SON: variants seen among roughly 807,000 people sequenced by gnomAD.
SON encodes the protein protein SON.
Under a neutral mutation model 173.3 loss-of-function variants are expected in SON, and 4 were observed. The observed-to-expected ratio is 0.02, with a 90% CI of 0.01 to 0.05. The LOEUF (loss-of-function observed/expected upper bound fraction) is 0.05. Ranked by LOEUF, SON falls within the 10% of genes least tolerant of loss-of-function variation. SON has a pLI of 1.00. For missense variants in SON, 2,626 were observed against 3,055.3 expected (o/e 0.86, Z 3.31); for synonymous variants, 1,190 against 1,105.9 (o/e 1.08, Z -1.51).
Position 33,552,861 on chromosome 21 carries a change from G to A in SON, c.3630G>A (p.Gln1210=). 1 of 1,613,884 alleles carries A rather than the reference G, an allele frequency of 6.2e-7. No individual in the cohort carries two copies. The highest frequency in any genetic ancestry group is 1.1e-5 in the South Asian group (1 of 91,084). The change falls in exon 3 of 12, where the codon CAG becomes CAA. Residue 1210 remains glutamine (Q), a synonymous_variant. Transcript: ENST00000356577. This position sits in a 1 kb window ranked among gnomAD's most constrained non-coding sequence, Gnocchi z 5.6. ...PSSPSEESVS[Q]PEPPVSQSEI... Reference sequence around the variant, plus strand: ...CACCATCTGAAGAGTCTGTATCGCAGCCTGAGCCTCCTGTGAGTCAAAGTG... The same window carrying A: ...CACCATCTGAAGAGTCTGTATCGCAACCTGAGCCTCCTGTGAGTCAAAGTG...
At chr21:33,572,765 A>G (rs895460517) in intron 8 of SON, 7 of 334,374 alleles carry the variant, frequency 2.1e-5, no homozygotes, top group Admixed American at 9.3e-5. Flanking sequence ...GTAAATTTCA[A>G]GAGTTTTTTT....
Position 33,554,337 on chromosome 21 carries a change from T to C in SON, c.5106T>C (p.Ser1702=), listed in dbSNP as rs762741108. Residue 1702 remains serine, a synonymous_variant, in exon 3 of 12, where the codon AGT becomes AGC. Coordinates refer to ENST00000356577, the MANE Select transcript of SON (RefSeq NM_138927.4). ...CTCTGCTCAGCCCTAAAGAAAGTAG[T>C]GGAGGAGAAAAAGAAGTACCTCCCC... The part of the protein sequence containing the change: ...LAALLSPKES[S]GGEKEVPPPP... The C allele has an allele frequency of 1.1e-5, 17 of 1,614,086 alleles. No homozygotes were observed. In the South Asian group the frequency reaches 1.6e-4, roughly 16 times the overall value.
At chr21:33,569,870 C>G (rs1294259510) in intron 8 of SON, 1 of 195,280 alleles carries the variant, frequency 5.1e-6, no homozygotes, top group East Asian at 1.9e-4. Flanking sequence ...AATTTCATGA[C>G]AAAACAGATA....
In SON at chr21:33,568,971, A is replaced by G; in HGVS notation, c.6769A>G (p.Ile2257Val). 6.3e-7 allele frequency: 1 copy of G among 1,592,190 alleles called. No individual in the cohort carries two copies. Reference sequence around the variant, plus strand: ...AACTGAGACTACTTCTTTTCTTCAGATTGATGCCTGGGCTCAGCTGAACTC... The same window carrying G: ...AACTGAGACTACTTCTTTTCTTCAGGTTGATGCCTGGGCTCAGCTGAACTC... ...MSMLNRAQER[I>V]DAWAQLNSIP... The change falls in exon 8 of 12, where the codon ATT becomes GTT. Residue 2257 changes from isoleucine (I) to valine (V), a missense_variant and splice_region_variant. Ile to Val is a conservative substitution (Grantham distance 29). Transcript: ENST00000356577.
rs146720903 is a variant in SON, at chr21:33,553,703, C to T, written c.4472C>T (p.Ser1491Phe). 2.2e-5 allele frequency: 36 copies of T among 1,614,004 alleles called. No individual in the cohort carries two copies. Among genetic ancestry groups the T allele is most frequent in the Non-Finnish European group, 3.0e-5 (35 of 1,179,992 alleles). Reference sequence around the variant, plus strand: ...GTTATGAAAGGAATTAATCTATCCTCTGGTGATCAAAATCTTGCTCCAGAG... The same window carrying T: ...GTTATGAAAGGAATTAATCTATCCTTTGGTGATCAAAATCTTGCTCCAGAG... ...SHVMKGINLS[S>F]GDQNLAPEIG... Residue 1491 changes from serine to phenylalanine, a missense_variant, in exon 3 of 12, where the codon TCT (serine) becomes TTT (phenylalanine). By Grantham distance (155) the Ser-to-Phe change is radical. Coordinates refer to ENST00000356577, the MANE Select transcript of SON (RefSeq NM_138927.4).
intron 1 of SON, 145 bp downstream of exon 1, chr21:33,543,314 C>CCCCCCCCAACCG: frequency 1.6e-6 from 1 of 641,432 alleles, no homozygotes; most frequent in Non-Finnish European, 2.7e-6. Flanking sequence ...ATTTTCCGGG[C>CCCCCCCCAACCG]CCCCCCCAAC....
At chr21:33,568,774 T>A (rs1359832003) in intron 7 of SON, among the ~76,000 whole-genome samples, 197 bp from the exon 8 acceptor site, 1 of 152,228 alleles carries the variant, frequency 6.6e-6, no homozygotes, top group Non-Finnish European at 1.5e-5. Context: ...TAGATACATT[T>A]CAAAATCTTA....
chr21:33,565,601 C>T (rs1601287394), intron 6 of SON, among the ~76,000 whole-genome samples: 1 of 152,132 alleles, frequency 6.6e-6, no homozygotes, highest in Non-Finnish European at 1.5e-5. Flanking sequence ...CTTAGTGTTT[C>T]AATCTCACTT....
rs2145825500 is a variant in SON, at chr21:33,551,965, G to C, written c.2734G>C (p.Asp912His). 6.2e-7 allele frequency: 1 copy of C among 1,613,914 alleles called. No homozygotes were observed. Among genetic ancestry groups the C allele is most frequent in the Non-Finnish European group, 8.5e-7 (1 of 1,179,806 alleles). Reference protein sequence around the residue: ...DSAMLGSKSPDPYRLAQDPYR... With the variant: ...DSAMLGSKSPHPYRLAQDPYR... ...TGCTATGTTGGGTTCAAAATCTCCTGATCCCTATAGGTTAGCTCAGGATCC... is the reference window on the plus strand; with the variant it reads ...TGCTATGTTGGGTTCAAAATCTCCTCATCCCTATAGGTTAGCTCAGGATCC... Residue 912 changes from aspartate to histidine, a missense_variant, in exon 3 of 12, where the codon GAT becomes CAT. Around this residue, in one of 13 missense-constraint regions of SON, gnomAD observed 366 missense variants for 448.6 expected, o/e 0.82. Transcript: ENST00000356577.
chr21:33,545,317 A>C (rs187398200), intron 1 of SON, among the ~76,000 whole-genome samples: 2 of 152,332 alleles, frequency 1.3e-5, no homozygotes, highest in Admixed American at 6.5e-5. Flanking sequence ...AGAAAGCCAG[A>C]TGTTCCTTAA....
chr21:33,555,019 C>T lies in SON; in HGVS notation c.5788C>T (p.Arg1930Trp), dbSNP rs141090281. The T allele has an allele frequency of 3.0e-5, 48 of 1,613,010 alleles. No individual in the cohort carries two copies. The highest frequency in any genetic ancestry group is 3.6e-5 in the Non-Finnish European group (43 of 1,179,958). Residue 1930 changes from arginine to tryptophan, a missense_variant, in exon 3 of 12, where the codon CGG becomes TGG. By Grantham distance (101) the Arg-to-Trp change is moderately radical. Transcript: ENST00000356577. ...ARSRTPSRRSRSHTPSRRRRS... is the reference protein window; with the variant it reads ...ARSRTPSRRSWSHTPSRRRRS... ...AAGTCGAACCCCAAGTCGTCGGAGTCGGAGTCATACTCCAAGTCGTCGACG... is the reference window on the plus strand; with the variant it reads ...AAGTCGAACCCCAAGTCGTCGGAGTTGGAGTCATACTCCAAGTCGTCGACG...
intron 1 of SON, among the ~76,000 whole-genome samples, chr21:33,543,681 C>CG (rs2085529953): frequency 6.6e-6 from 1 of 152,182 alleles, no homozygotes; most frequent in South Asian, 2.1e-4. Context: ...TAAGATTATT[C>CG]GGGGCCTAGT....
Position 33,549,648 on chromosome 21 carries a change from G to A in SON, c.417G>A (p.Lys139=), listed in dbSNP as rs771535265. ...YKRQPEESES[K]TKSHDDGNID... ...GACAGCCAGAAGAATCTGAGTCAAA[G>A]ACGAAATCTCATGATGATGGGAACA... is the stretch of plus-strand genomic sequence containing the variant. The change falls in exon 3 of 12, where the codon AAG becomes AAA. Residue 139 remains lysine (K), a synonymous_variant. Coordinates refer to ENST00000356577, the MANE Select transcript of SON (RefSeq NM_138927.4). The A allele has an allele frequency of 6.2e-7, 1 of 1,610,184 alleles. No homozygotes were observed. Among genetic ancestry groups the A allele is most frequent in the South Asian group, 1.1e-5 (1 of 89,340 alleles).
rs772971095 is a variant in SON, at chr21:33,551,361, C to T, written c.2130C>T (p.Ala710=). The T allele has an allele frequency of 3.1e-6, 5 of 1,614,062 alleles. 1 individual carries two copies. Among genetic ancestry groups the T allele is most frequent in the South Asian group, 2.2e-5 (2 of 91,084 alleles). ...CAGTAGGAGTGGATCCCTTGATGGC[C>T]CCAGAATCCCATATATTAGCTTCTA... is the stretch of plus-strand genomic sequence containing the variant. ...SVTVGVDPLM[A]PESHILASNT... is the part of the protein sequence containing the mutation. The change falls in exon 3 of 12, where the codon GCC becomes GCT. Residue 710 remains alanine, a synonymous_variant. Coordinates refer to ENST00000356577, the MANE Select transcript of SON (RefSeq NM_138927.4).
In SON at chr21:33,568,839, C is replaced by T. The variant is rs1031325333; in HGVS notation, c.6769-132C>T. 4.0e-5 allele frequency: 23 copies of T among 579,338 alleles called. No homozygotes were observed. In the Admixed American group the frequency reaches 4.4e-4, roughly 11 times the overall value. 35.9% of individuals were successfully genotyped at this position (579,338 alleles called of 1,614,324 possible). On this transcript the variant is annotated intron_variant, in intron 7 of 11. Transcript: ENST00000356577. The stretch of plus-strand genomic sequence containing the variant: ...TGCTTCTTTAGAAAGTTTAGGCAAA[C>T]ATTTAATGTTAAATATGTTTTAAAA...
rs991834232 is a variant in SON at position 33,553,180 on chromosome 21, G to A, written c.3949G>A (p.Ala1317Thr). 16 of 1,614,118 alleles carry A rather than the reference G, an allele frequency of 9.9e-6. No individual in the cohort carries two copies. Among genetic ancestry groups the A allele is most frequent in the Non-Finnish European group, 1.4e-5 (16 of 1,180,028 alleles). Residue 1317 changes from alanine to threonine, a missense_variant, in exon 3 of 12, where the codon GCC becomes ACC. Ala to Thr is a moderately conservative substitution (Grantham distance 58). Transcript: ENST00000356577. ...ETAETFDSMR[A>T]SGHVASEVST... ...AGCAGAAACATTTGATTCCATGAGAGCCTCAGGACATGTTGCCTCAGAAGT... is the reference window on the plus strand; with the variant it reads ...AGCAGAAACATTTGATTCCATGAGAACCTCAGGACATGTTGCCTCAGAAGT...
At chr21:33,560,556 A>T in intron 6 of SON, 1 of 984,932 alleles carries the variant, frequency 1.0e-6, no homozygotes, top group Non-Finnish European at 1.2e-6. Context: ...TGCACATGAA[A>T]ACAGCAAGAC....
At position 33,555,136 on chromosome 21, in the gene SON, CGCCGCA is replaced by C. The variant is rs761115308; in HGVS notation, c.5912_5917del (p.Ser1971_Arg1972del). ...CAGCCGCCGCAGCCGCACCCCCAGC[CGCCGCA>C]GCCGCACCCCCAGCCGCCGCAGCCG... On this transcript the variant is annotated inframe_deletion, in exon 3 of 12. Coordinates refer to ENST00000356577, the MANE Select transcript of SON (RefSeq NM_138927.4). 44 of 1,472,740 alleles carry C rather than the reference CGCCGCA, an allele frequency of 3.0e-5. No homozygotes were observed. In the South Asian group the frequency reaches 5.7e-4, roughly 19 times the overall value. 91.2% of individuals were successfully genotyped at this position (1,472,740 alleles called of 1,614,324 possible). A position where few individuals can be genotyped will look rare whatever the true frequency, so the allele number is the denominator to read the frequency against.
At chr21:33,562,653 A>C (rs768724881) in intron 6 of SON, among the ~76,000 whole-genome samples, 3 of 152,232 alleles carry the variant, frequency 2.0e-5, no homozygotes, top group Non-Finnish European at 2.9e-5. Context: ...TCGTCTTCAT[A>C]CTCAGAAACC....
Sources: allele counts gnomAD v4.1 joint callset (sites outside exome capture counted in the v4.1 genomes callset), GRCh38; gene constraint gnomAD v4.1.1; regional missense constraint gnomAD v4.1.1; non-coding constraint Gnocchi (gnomAD v3.1); transcripts MANE v1.5; gene names NCBI Gene and HGNC (gene_info 2026-07-23, HGNC 2026-07-21).